Variants in KIF15 observed in about 807,000 individuals in gnomAD.
KIF15 encodes the protein kinesin family member 15, also known as kinesin-like protein KIF15.
A neutral mutation model predicts 190.6 loss-of-function variants in KIF15; 140 were observed. The observed-to-expected ratio is 0.73, with a 90% CI of 0.64 to 0.84. The LOEUF (loss-of-function observed/expected upper bound fraction) is 0.84. Among genes scored for constraint, KIF15 ranks in the 40% least tolerant of loss-of-function variants. The pLI, the probability that KIF15 is intolerant of heterozygous loss-of-function variation, is 0.00. For synonymous variants in KIF15, 528 were observed against 551.3 expected (o/e 0.96, Z 0.59); for missense variants, 1,372 against 1,584.4 (o/e 0.87, Z 2.28).
intron 4 of KIF15, among the ~76,000 whole-genome samples, chr3:44,780,494 A>C (rs1312740850): frequency 6.6e-6 from 1 of 152,228 alleles, no homozygotes; most frequent in African/African-American, 2.4e-5. Flanking sequence ...ATATGATCCC[A>C]AAACCATGGA....
At chr3:44,805,255 T>C in intron 15 of KIF15, 87 bp downstream of exon 15, 2 of 1,305,364 alleles carry the variant, frequency 1.5e-6, no homozygotes, top group East Asian at 2.4e-5. Context: ...CAATTGGGCA[T>C]TTTACTTTAA....
chr3:44,864,342 C>T (rs142670871), intron 6 of KIF15: 72 of 1,613,976 alleles, frequency 4.5e-5, no homozygotes, highest in South Asian at 1.1e-4. Flanking sequence ...ATCCTCAGCT[C>T]GGTGAGTAGC....
chr3:44,834,451 C>T (rs186405608), intron 26 of KIF15, among the ~76,000 whole-genome samples: 287 of 152,186 alleles, frequency 1.9e-3, no homozygotes, highest in Admixed American at 3.1e-3. Context: ...ATAAATTAGT[C>T]TTAAAAATAA....
chr3:44,773,848 A>G (rs1305294917), intron 1 of KIF15, among the ~76,000 whole-genome samples: 3 of 152,232 alleles, frequency 2.0e-5, no homozygotes, highest in Non-Finnish European at 4.4e-5. Context: ...AAGATTAGGC[A>G]CATGGATACA....
chr3:44,774,200 G>A (rs1705762759), intron 1 of KIF15, among the ~76,000 whole-genome samples, 195 bp from the exon 2 acceptor site: 1 of 152,318 alleles, frequency 6.6e-6, no homozygotes, highest in East Asian at 1.9e-4. Context: ...ATCACCATGA[G>A]ACTAGGTGTT....
At chr3:44,859,060 CCGCACAGTTGG>C (rs1008151704) in intron 6 of KIF15, among the ~76,000 whole-genome samples, 6 of 152,184 alleles carry the variant, frequency 3.9e-5, no homozygotes, top group African/African-American at 1.4e-4. Context: ...CAGTGGGGTC[CCGCACAGTTGG>C]GACACGGCTT....
chr3:44,851,920 G>A lies in KIF15; in HGVS notation c.3940G>A (p.Glu1314Lys). The change falls in exon 33 of 35, where the codon GAA becomes AAA. Residue 1314 changes from glutamate to lysine, a missense_variant. Transcript: ENST00000326047. ...AGAACAACTGAGATCAAAGCTGGAA[G>A]AAATGTATGAAGAAAGAGAGAGAAC... ...EKEQLRSKLEEMYEERERTSQ... is the reference protein window; with the variant it reads ...EKEQLRSKLEKMYEERERTSQ... 2 of 1,613,832 alleles carry A rather than the reference G, an allele frequency of 1.2e-6. No individual in the cohort carries two copies. The highest frequency in any genetic ancestry group is 1.7e-6 in the Non-Finnish European group (2 of 1,179,870).
intron 6 of KIF15, chr3:44,864,337 C>T: frequency 1.2e-6 from 2 of 1,614,164 alleles, no homozygotes; most frequent in Non-Finnish European, 1.7e-6. Flanking sequence ...CAAATATCCT[C>T]AGCTCGGTGA....
Position 44,830,925 on chromosome 3 carries a change from A to G in KIF15, c.3078A>G (p.Arg1026=). The G allele has an allele frequency of 6.2e-7, 1 of 1,613,968 alleles. No homozygotes were observed. Among genetic ancestry groups the G allele is most frequent in the Non-Finnish European group, 8.5e-7 (1 of 1,179,960 alleles). The change falls in exon 26 of 35, where the codon AGA becomes AGG. Residue 1026 remains arginine, a synonymous_variant. Transcript: ENST00000326047. ...AATACAACTCTGCTTTGGTTGACAGAGAAGAGAGCAGAGTGTTGATCAAGA... is the reference window on the plus strand; with the variant it reads ...AATACAACTCTGCTTTGGTTGACAGGGAAGAGAGCAGAGTGTTGATCAAGA... ...NCKYNSALVD[R]EESRVLIKKQ...
chr3:44,776,829 C>A (rs1428832424), intron 3 of KIF15, among the ~76,000 whole-genome samples: 1 of 151,998 alleles, frequency 6.6e-6, no homozygotes, highest in Non-Finnish European at 1.5e-5. Context: ...AAAATTAAAT[C>A]AAATTTAAAA....
chr3:44,811,098 GCTT>G, intron 17 of KIF15, 55 bp downstream of exon 17: 1 of 1,341,432 alleles, frequency 7.5e-7, no homozygotes, highest in East Asian at 2.3e-5. Context: ...AAATACATTT[GCTT>G]TGTTATTTTA....
At chr3:44,835,250 A>T (rs916363381) in intron 26 of KIF15, among the ~76,000 whole-genome samples, 6 of 151,860 alleles carry the variant, frequency 4.0e-5, no homozygotes, top group African/African-American at 1.5e-4. Flanking sequence ...ATTTATTTTT[A>T]TTTTTTTGAG....
At chr3:44,855,116 A>T (rs1026579126), downstream of KIF15, among the ~76,000 whole-genome samples, 1 of 152,210 alleles carries the variant, frequency 6.6e-6, no homozygotes, top group Non-Finnish European at 1.5e-5. Context: ...GCTGAGTTTG[A>T]AAAGAGAGTC....
At position 44,830,049 on chromosome 3, in the gene KIF15, C is replaced by T; in HGVS notation, c.3022C>T (p.Leu1008=). 1.9e-6 allele frequency: 3 copies of T among 1,588,766 alleles called. No homozygotes were observed. Among genetic ancestry groups the T allele is most frequent in the Non-Finnish European group, 2.6e-6 (3 of 1,168,998 alleles). The change falls in exon 25 of 35, where the codon CTG becomes TTG. Residue 1008 remains leucine (L), a synonymous_variant. Coordinates refer to ENST00000326047, the MANE Select transcript of KIF15 (RefSeq NM_020242.3). ...TGAGAAAACAGAAACTATAGACACC[C>T]TGAAACAAGAACTGAAGGACATAAA... ...VCEKTETIDT[L]KQELKDINCK...
intron 20 of KIF15, among the ~76,000 whole-genome samples, chr3:44,821,119 G>C (rs1399454536): frequency 6.9e-6 from 1 of 145,680 alleles, no homozygotes; most frequent in South Asian, 2.2e-4. Flanking sequence ...GCGGCTGGCC[G>C]GGCGGGGGGC....
chr3:44,821,994 C>T (rs551957322), intron 20 of KIF15, among the ~76,000 whole-genome samples: 1 of 152,254 alleles, frequency 6.6e-6, no homozygotes, highest in African/African-American at 2.4e-5. Context: ...CGTGGCGGTG[C>T]GTGCCTGCAA....
downstream of KIF15, among the ~76,000 whole-genome samples, chr3:44,855,020 A>C (rs76771035): frequency 0.019 from 2,837 of 152,350 alleles, 76 homozygotes; most frequent in African/African-American, 0.063. Flanking sequence ...CATTGCAAGG[A>C]AAGTGTCACA....
intron 6 of KIF15, chr3:44,861,792 G>A: frequency 9.4e-7 from 1 of 1,066,310 alleles, no homozygotes; most frequent in Non-Finnish European, 1.3e-6. Flanking sequence ...CCGAGGCGCC[G>A]GAGAGCGATT....
chr3:44,781,536 G>T (rs902738627), intron 5 of KIF15, among the ~76,000 whole-genome samples: 40 of 152,032 alleles, frequency 2.6e-4, no homozygotes, highest in African/African-American at 9.7e-4. Context: ...CATCTTTCTT[G>T]TGTCTTTTCA....
Sources: gnomAD v4.1 joint callset for allele counts (sites outside exome capture counted in the v4.1 genomes callset) on GRCh38, gnomAD v4.1.1 for gene constraint, MANE v1.5 for transcripts, NCBI Gene and HGNC (gene_info 2026-07-23, HGNC 2026-07-21) for gene names.